The following MAGEA10 variants were observed in gnomAD, a reference collection of about 807,000 sequenced individuals.
MAGEA10 encodes melanoma-associated antigen 10.
MAGEA10 carries 7 observed loss-of-function variants against 8.6 expected under a neutral mutation model. The observed-to-expected ratio is 0.82, with a 90% CI of 0.46 to 1.53. The LOEUF (loss-of-function observed/expected upper bound fraction) is 1.53. Among genes scored for constraint, MAGEA10 ranks in the 40% most tolerant of loss-of-function variants. The pLI is 0.01. For synonymous variants in MAGEA10, 125 were observed against 107.4 expected (o/e 1.16, Z -1.02); for missense variants, 293 against 274.0 (o/e 1.07, Z -0.49).
At position 152,135,687 on chromosome X, in the gene MAGEA10, T is replaced by C; in HGVS notation, c.-65-2A>G. ...CTTGGGCGATGGGGACCCACAGGCC[T>C]GGGGAGAGAGGGAGGGTGTAAGTGG... On this transcript the variant is annotated splice_acceptor_variant, in intron 3 of 3. Coordinates refer to ENST00000370323, the MANE Select transcript of MAGEA10 (RefSeq NM_021048.5). LOFTEE classifies it low-confidence loss of function (5UTR_SPLICE). The C allele has an allele frequency of 9.8e-6, 10 of 1,019,222 alleles. No homozygotes were observed. In the South Asian group the frequency reaches 2.4e-4, roughly 25 times the overall value. 84.0% of individuals were successfully genotyped at this position (1,019,222 alleles called of 1,213,427 possible).
At chrX:152,137,157 G>A (rs745787128) in intron 1 of MAGEA10, among the ~76,000 whole-genome samples, 188 bp from the exon 2 acceptor site, 1 of 110,045 alleles carries the variant, frequency 9.1e-6, no homozygotes, top group Admixed American at 9.6e-5. Flanking sequence ...CTAAGAACAG[G>A]GGACAGCCAG....
rs1368074367 is a variant in MAGEA10 at position 152,135,444 on chromosome X, GGAGGAA to G, written c.171_176del (p.Ser61_Ser62del). 1.7e-6 allele frequency: 2 copies of G among 1,194,422 alleles called. No homozygotes were observed. Among genetic ancestry groups the G allele is most frequent in the Non-Finnish European group, 2.3e-6 (2 of 887,271 alleles). ...GTATTAGAGGATAGCAGGAGGAGGA[GGAGGAA>G]GAGGAGGAGGAGGGAAAAGAGGATG... On this transcript the variant is annotated inframe_deletion, in exon 4 of 4. Coordinates refer to ENST00000370323, the MANE Select transcript of MAGEA10 (RefSeq NM_021048.5).
intron 1 of MAGEA10, 134 bp downstream of exon 1, chrX:152,138,341 T>TGGGGGGG (rs11365460): frequency 3.8e-5 from 1 of 26,419 alleles, no homozygotes; most frequent in Non-Finnish European, 7.6e-5. Context: ...GGGGCGGGGG[T>TGGGGGGG]GGGGGGGGGG....
In MAGEA10 at chrX:152,135,702, G is replaced by T; in HGVS notation, c.-65-17C>A. The T allele has an allele frequency of 2.2e-6, 2 of 923,410 alleles. No homozygotes were observed. Among genetic ancestry groups the T allele is most frequent in the Non-Finnish European group, 2.9e-6 (2 of 683,159 alleles). 76.1% of individuals were successfully genotyped at this position (923,410 alleles called of 1,213,427 possible). On this transcript the variant is annotated splice_polypyrimidine_tract_variant and intron_variant, in intron 3 of 3. Coordinates refer to ENST00000370323, the MANE Select transcript of MAGEA10 (RefSeq NM_021048.5). ...CCCACAGGCCTGGGGAGAGAGGGAG[G>T]GTGTAAGTGGCCACAGCTGAGAACC...
rs1178676288 is a variant in MAGEA10, at chrX:152,138,564, G to T, written c.-328C>A. The T allele has an allele frequency of 1.9e-5, 2 of 104,561 alleles. No individual in the cohort carries two copies. The highest frequency in any genetic ancestry group is 7.1e-5 in the African/African-American group (2 of 28,367). The allele number at this position is 104,561 out of a possible 1,213,427, so 8.6% of individuals were successfully genotyped here. A position where few individuals can be genotyped will look rare whatever the true frequency, so the allele number is the denominator to read the frequency against. On this transcript the variant is annotated 5_prime_UTR_variant, in exon 1 of 4. Transcript: ENST00000370323. ...AGAACCTCGCTTCTCTCTGATCCCC[G>T]AGGCGTAAGTTAGTGGCGTCACATC...
chrX:152,137,425 G>T (rs1200759360), intron 1 of MAGEA10, among the ~76,000 whole-genome samples: 3 of 30,358 alleles, frequency 9.9e-5, no homozygotes, highest in Admixed American at 5.7e-4. Context: ...TGGCGGGGGG[G>T]GGGGGGGGGG....
intron 1 of MAGEA10, among the ~76,000 whole-genome samples, chrX:152,137,939 C>T (rs1350402504): frequency 9.0e-6 from 1 of 110,673 alleles, no homozygotes; most frequent in Non-Finnish European, 1.9e-5. Context: ...CCGCCGCAGA[C>T]CTGAGTCACC....
Position 152,134,590 on chromosome X carries a change from C to T in MAGEA10, c.1031G>A (p.Arg344Lys), listed in dbSNP as rs963501229. 2 of 1,205,077 alleles carry T rather than the reference C, an allele frequency of 1.7e-6. No homozygotes were observed. Among genetic ancestry groups the T allele is most frequent in the African/African-American group, 3.5e-5 (2 of 56,717 alleles). The stretch of plus-strand genomic sequence containing the variant: ...AGTAGTATCATCTGTGGTGGCAATT[C>T]TGTCCTGGGCTCTCTCTTCCTCATC... ...LKDEEERAQD[R>K]IATTDDTTAM... Residue 344 changes from arginine to lysine, a missense_variant, in exon 4 of 4, where the codon AGA (arginine) becomes AAA (lysine). Transcript: ENST00000370323.
rs750860953 is a variant in MAGEA10, at chrX:152,135,462, GGGAAAAGAGGAT to G, written c.147_158del (p.Phe52_Ser55del). On this transcript the variant is annotated inframe_deletion, in exon 4 of 4. Transcript: ENST00000370323. The stretch of plus-strand genomic sequence containing the variant: ...AGGAGGAGGAGGAAGAGGAGGAGGA[GGGAAAAGAGGAT>G]GGAAAAGAGGAGCTGGTGGAAGTGG... 8.3e-7 allele frequency: 1 copy of G among 1,198,756 alleles called. No homozygotes were observed. Among genetic ancestry groups the G allele is most frequent in the Non-Finnish European group, 1.1e-6 (1 of 889,262 alleles).
rs1936614652 is a variant in MAGEA10, at chrX:152,134,242, A to C, written c.*269T>G. 1 of 313,840 alleles carries C rather than the reference A, an allele frequency of 3.2e-6. No homozygotes were observed. Among genetic ancestry groups the C allele is most frequent in the Non-Finnish European group, 5.5e-6 (1 of 181,755 alleles). The allele number at this position is 313,840 out of a possible 1,213,427, so 25.9% of individuals were successfully genotyped here. ...AGGTAGTGTATCCATCACCTCATGC[A>C]TTTATCATTTCTTTTTGGTGACAAT... On this transcript the variant is annotated 3_prime_UTR_variant, in exon 4 of 4. Coordinates refer to ENST00000370323, the MANE Select transcript of MAGEA10 (RefSeq NM_021048.5).
Position 152,133,667 on chromosome X carries a change from C to T in MAGEA10, c.*844G>A, listed in dbSNP as rs1324673004. 1 of 111,460 alleles carries T rather than the reference C, an allele frequency of 9.0e-6. No individual in the cohort carries two copies. Among genetic ancestry groups the T allele is most frequent in the African/African-American group, 3.3e-5 (1 of 30,618 alleles). 9.2% of individuals were successfully genotyped at this position (111,460 alleles called of 1,213,427 possible). ...CAAGAAGAGGCTGGGTGCAGTGGCT[C>T]ACACCTGTTATCCCAGCACTTTGGG... On this transcript the variant is annotated 3_prime_UTR_variant, in exon 4 of 4. Transcript: ENST00000370323.
chrX:152,135,720 T>C (rs1936660455), intron 3 of MAGEA10, 35 bp from the exon 4 acceptor site: 1 of 760,844 alleles, frequency 1.3e-6, no homozygotes, highest in African/African-American at 2.1e-5. Flanking sequence ...TGGCCACAGC[T>C]GAGAACCACA....
intron 1 of MAGEA10, among the ~76,000 whole-genome samples, chrX:152,137,695 C>T (rs971846120): frequency 9.2e-5 from 10 of 108,561 alleles, no homozygotes; most frequent in African/African-American, 3.4e-4. Context: ...TCTGCTGAGT[C>T]CTCCCTCAGG....
At position 152,134,395 on chromosome X, in the gene MAGEA10, ACT is replaced by A. The variant is rs1353148829; in HGVS notation, c.*114_*115del. Reference sequence around the variant, plus strand: ...TTAATTGTAATGTAACTACTGCTCTACTCTCTACTTCCATGATACCAACTTTT... The same window carrying A: ...TTAATTGTAATGTAACTACTGCTCTACTCTACTTCCATGATACCAACTTTT... On this transcript the variant is annotated 3_prime_UTR_variant, in exon 4 of 4. Transcript: ENST00000370323. 3.4e-6 allele frequency: 2 copies of A among 592,194 alleles called. No homozygotes were observed. The highest frequency in any genetic ancestry group is 3.1e-5 in the South Asian group (1 of 31,869). The allele number at this position is 592,194 out of a possible 1,213,427, so 48.8% of individuals were successfully genotyped here. A position where few individuals can be genotyped will look rare whatever the true frequency, so the allele number is the denominator to read the frequency against.
chrX:152,136,497 G>T (rs1936677780), intron 2 of MAGEA10, among the ~76,000 whole-genome samples: 1 of 110,454 alleles, frequency 9.1e-6, no homozygotes, highest in Non-Finnish European at 1.9e-5. Context: ...TTAAACCAAG[G>T]TCCTACCTCC....
At chrX:152,136,685 T>C (rs927442426) in intron 2 of MAGEA10, among the ~76,000 whole-genome samples, 186 bp downstream of exon 2, 1 of 110,780 alleles carries the variant, frequency 9.0e-6, no homozygotes, top group Admixed American at 9.5e-5. Context: ...CTGACCCGAG[T>C]GCAGCTCCCT....
intron 1 of MAGEA10, among the ~76,000 whole-genome samples, chrX:152,137,931 G>A (rs959841961): frequency 1.8e-4 from 20 of 110,405 alleles, no homozygotes; most frequent in African/African-American, 2.0e-4. Flanking sequence ...ACCACGCCCC[G>A]CCGCAGACCT....
chrX:152,135,949 C>A, intron 2 of MAGEA10, 115 bp from the exon 3 acceptor site: 1 of 200,115 alleles, frequency 5.0e-6, no homozygotes, highest in Non-Finnish European at 9.2e-6. Context: ...TGTCCTGGAG[C>A]AGGTGGGGCC....
In MAGEA10 at chrX:152,134,690, G is replaced by T; in HGVS notation, c.931C>A (p.Leu311Ile). The change falls in exon 4 of 4, where the codon CTC (leucine) becomes ATC (isoleucine). Residue 311 changes from leucine to isoleucine, a missense_variant. Transcript: ENST00000370323. ...TTTACCTTGGCCAAAAATTTCAGGA[G>T]ACTCATCTTCCTAATTTCAGCATGA... ...RAHAEIRKMS[L>I]LKFLAKVNGS... The T allele has an allele frequency of 8.3e-7, 1 of 1,209,917 alleles. No homozygotes were observed. Among genetic ancestry groups the T allele is most frequent in the South Asian group, 1.8e-5 (1 of 56,891 alleles).
Sources: gnomAD v4.1 joint callset for allele counts (sites outside exome capture counted in the v4.1 genomes callset) on GRCh38, gnomAD v4.1.1 for gene constraint, MANE v1.5 for transcripts, NCBI Gene and HGNC (gene_info 2026-07-23, HGNC 2026-07-21) for gene names.